RAB31: variants seen among roughly 807,000 people sequenced by gnomAD.
RAB31 encodes ras-related protein Rab-31.
RAB31 carries 21 observed loss-of-function variants against 25.6 expected under a neutral mutation model. That is an observed-to-expected ratio of 0.82 (90% CI 0.58 to 1.18). The LOEUF is 1.18. Ranked by LOEUF, RAB31 falls within the 50% of genes most tolerant of loss-of-function variation. The pLI, the probability that RAB31 is intolerant of heterozygous loss-of-function variation, is 0.00. For missense variants in RAB31, 196 were observed against 250.1 expected (o/e 0.78, Z 1.46); for synonymous variants, 87 against 84.0 (o/e 1.04, Z -0.20).
At chr18:9,736,647 T>A (rs191167318) in intron 1 of RAB31, among the ~76,000 whole-genome samples, 11 of 152,344 alleles carry the variant, frequency 7.2e-5, no homozygotes, top group Non-Finnish European at 1.3e-4. Flanking sequence ...GTGTGTAATA[T>A]CCCATTAAAT....
intron 5 of RAB31, among the ~76,000 whole-genome samples, chr18:9,828,842 T>C (rs1205465985): frequency 2.0e-5 from 3 of 152,216 alleles, no homozygotes; most frequent in Admixed American, 6.5e-5. Flanking sequence ...TGAAAAATCA[T>C]GGCAAGTGTT....
intron 5 of RAB31, among the ~76,000 whole-genome samples, chr18:9,833,072 C>T (rs1298325027): frequency 1.3e-5 from 2 of 152,170 alleles, no homozygotes; most frequent in African/African-American, 4.8e-5. Context: ...ACCGCCGTGT[C>T]AGACTTGCAA....
chr18:9,726,740 C>G (rs1160290626), intron 1 of RAB31, among the ~76,000 whole-genome samples: 2 of 152,148 alleles, frequency 1.3e-5, no homozygotes, highest in Non-Finnish European at 2.9e-5. Flanking sequence ...ATTCATTCGA[C>G]TAAATTTATA....
In RAB31 at chr18:9,708,470, C is replaced by T; in HGVS notation, c.39+26C>T. On this transcript the variant is annotated intron_variant, in intron 1 of 6. Coordinates refer to ENST00000578921, the MANE Select transcript of RAB31 (RefSeq NM_006868.4). The surrounding 1 kb of genome is among the most constrained non-coding windows in gnomAD (Gnocchi z 6.4). The stretch of plus-strand genomic sequence containing the variant: ...GTGAGTCCTGGCCGCCACCCGCCGG[C>T]GGACCCCGGCCCGCGCTCTCGCGCC... The T allele has an allele frequency of 6.5e-7, 1 of 1,544,986 alleles. No individual in the cohort carries two copies. Among genetic ancestry groups the T allele is most frequent in the Non-Finnish European group, 8.7e-7 (1 of 1,146,756 alleles).
intron 2 of RAB31, among the ~76,000 whole-genome samples, chr18:9,785,881 T>C (rs2068429373): frequency 6.6e-6 from 1 of 152,130 alleles, no homozygotes; most frequent in Non-Finnish European, 1.5e-5. Flanking sequence ...ACCAACGTGG[T>C]GAAACCCCTT....
In RAB31 at chr18:9,764,360, C is replaced by T. The variant is rs118178995; in HGVS notation, c.40-10918C>T. On this transcript the variant is annotated intron_variant, in intron 1 of 6. Coordinates refer to ENST00000578921, the MANE Select transcript of RAB31 (RefSeq NM_006868.4). The stretch of plus-strand genomic sequence containing the variant: ...CGTACGGTGAATCAGTGGATGAATT[C>T]GTGCATGCATTTGTGCGTGCCTCCT... Among the ~76,000 whole-genome samples the T allele has an allele frequency of 1.1e-4, 17 of 152,324 alleles. No individual in the cohort carries two copies. The East Asian group carries it at 2.9e-3, about 26-fold the overall frequency.
chr18:9,847,337 C>T (rs1231161664), intron 6 of RAB31, among the ~76,000 whole-genome samples: 4 of 152,142 alleles, frequency 2.6e-5, no homozygotes, highest in African/African-American at 2.4e-5. Flanking sequence ...CTTACAGCCC[C>T]GCGTCTTCCG....
At chr18:9,786,747 A>G (rs2068435338) in intron 2 of RAB31, 1 of 151,360 alleles carries the variant, frequency 6.6e-6, no homozygotes, top group Admixed American at 6.6e-5. Context: ...GCTTCTGGCA[A>G]CTCTGCTTCC....
At chr18:9,840,161 A>C (rs2068725838) in intron 5 of RAB31, among the ~76,000 whole-genome samples, 1 of 152,212 alleles carries the variant, frequency 6.6e-6, no homozygotes, top group Non-Finnish European at 1.5e-5. Flanking sequence ...GCCAGGGGAC[A>C]GGGCTGGCCT....
chr18:9,783,371 T>A (rs899954504), intron 2 of RAB31, among the ~76,000 whole-genome samples: 1 of 152,116 alleles, frequency 6.6e-6, no homozygotes, highest in Non-Finnish European at 1.5e-5. Flanking sequence ...GGGATTTTGG[T>A]TCCCCCCCCT....
chr18:9,741,906 C>T (rs1047496707), intron 1 of RAB31, among the ~76,000 whole-genome samples: 2 of 152,214 alleles, frequency 1.3e-5, no homozygotes, highest in African/African-American at 2.4e-5. Context: ...GTGGCAGGGT[C>T]CCCAGGGACC....
intron 1 of RAB31, among the ~76,000 whole-genome samples, chr18:9,742,314 G>A (rs1360724777): frequency 6.6e-6 from 1 of 152,214 alleles, no homozygotes; most frequent in Non-Finnish European, 1.5e-5. Context: ...ACTGAAGAGT[G>A]GATGGGCCTT....
intron 1 of RAB31, among the ~76,000 whole-genome samples, chr18:9,748,583 C>T (rs553868317): frequency 6.5e-5 from 8 of 122,580 alleles, no homozygotes; most frequent in Non-Finnish European, 1.4e-4. Context: ...ACTTAGATCA[C>T]ATCTGTTGAT....
At chr18:9,791,815 A>G (rs1431535466) in intron 2 of RAB31, among the ~76,000 whole-genome samples, 2 of 152,162 alleles carry the variant, frequency 1.3e-5, no homozygotes, top group African/African-American at 4.8e-5. Flanking sequence ...CATATTGGCC[A>G]GGCTGGTCTT....
intron 1 of RAB31, among the ~76,000 whole-genome samples, chr18:9,763,313 A>G (rs1156919908): frequency 1.3e-5 from 2 of 152,208 alleles, no homozygotes; most frequent in Non-Finnish European, 2.9e-5. Flanking sequence ...TTCAACAGAC[A>G]ATAGAAGCAG....
At chr18:9,754,289 CT>C (rs1304642198) in intron 1 of RAB31, among the ~76,000 whole-genome samples, 1 of 151,716 alleles carries the variant, frequency 6.6e-6, no homozygotes, top group Non-Finnish European at 1.5e-5. Context: ...ACTTTTTTCT[CT>C]TTTTTTTGAG....
At chr18:9,771,048 G>A (rs908262466) in intron 1 of RAB31, among the ~76,000 whole-genome samples, 2 of 152,100 alleles carry the variant, frequency 1.3e-5, no homozygotes, top group Non-Finnish European at 2.9e-5. Context: ...GTGCACACCT[G>A]TAGTCTCGGC....
At chr18:9,837,716 C>T (rs891334002) in intron 5 of RAB31, among the ~76,000 whole-genome samples, 1 of 152,212 alleles carries the variant, frequency 6.6e-6, no homozygotes, top group Non-Finnish European at 1.5e-5. Context: ...TATTCACCAT[C>T]CTTGAATAAA....
chr18:9,709,334 C>T (rs2068004263), intron 1 of RAB31, among the ~76,000 whole-genome samples: 1 of 152,152 alleles, frequency 6.6e-6, no homozygotes, highest in Non-Finnish European at 1.5e-5. Context: ...ATTCCTTCTT[C>T]TAAAAGAAGA....
Sources: allele counts gnomAD v4.1 joint callset (sites outside exome capture counted in the v4.1 genomes callset), GRCh38; gene constraint gnomAD v4.1.1; non-coding constraint Gnocchi (gnomAD v3.1); transcripts MANE v1.5; gene names NCBI Gene and HGNC (gene_info 2026-07-23, HGNC 2026-07-21).